PDE4D: variants seen among roughly 807,000 people sequenced by gnomAD.
PDE4D encodes 3',5'-cyclic-AMP phosphodiesterase 4D.
In PDE4D, 24 loss-of-function variants were observed where a neutral mutation model predicts 87.4. The ratio of observed to expected loss-of-function variants is 0.27; its 90% CI spans 0.20 to 0.39. PDE4D has a LOEUF of 0.39. PDE4D is among the 10% of genes least tolerant of loss of function. The pLI is 1.00. For synonymous variants in PDE4D, 384 were observed against 383.2 expected, an observed-to-expected ratio of 1.00 and a Z score of -0.02; for missense variants, 714 against 1,041.0, an observed-to-expected ratio of 0.69 and a Z score of 4.32.
At chr5:59,202,932 T>A (rs2216699) in intron 2 of PDE4D, among the ~76,000 whole-genome samples, 1 of 152,106 alleles carries the variant, frequency 6.6e-6, no homozygotes, top group African/African-American at 2.4e-5. Flanking sequence ...TATTTAGTTT[T>A]CTGAAATTTA....
chr5:59,040,721 A>G (rs1404518845), intron 5 of PDE4D, among the ~76,000 whole-genome samples: 1 of 152,338 alleles, frequency 6.6e-6, no homozygotes, highest in Non-Finnish European at 1.5e-5. Flanking sequence ...AAACTTTGTC[A>G]TTGTCGAGTG....
At chr5:59,988,245 C>T in intron 3 of PDE4D, 1 of 393,018 alleles carries the variant, frequency 2.5e-6, no homozygotes. Flanking sequence ...TGCCCTTTGG[C>T]AAATGTTTAT....
chr5:59,004,407 G>A (rs1273168620), intron 6 of PDE4D, among the ~76,000 whole-genome samples: 1 of 152,210 alleles, frequency 6.6e-6, no homozygotes, highest in African/African-American at 2.4e-5. Context: ...TCTTAGAACA[G>A]TAAGTGCTAT....
At chr5:59,810,148 C>T (rs1768183365) in intron 1 of PDE4D, among the ~76,000 whole-genome samples, 1 of 152,180 alleles carries the variant, frequency 6.6e-6, no homozygotes, top group African/African-American at 2.4e-5. Context: ...CAGCAGATGG[C>T]GCACACTTCT....
chr5:60,139,047 T>C (rs1780297749), intron 2 of PDE4D, among the ~76,000 whole-genome samples: 1 of 152,066 alleles, frequency 6.6e-6, no homozygotes, highest in Non-Finnish European at 1.5e-5. Context: ...CTCACTCCAG[T>C]ACTCACAGTG....
At chr5:58,999,498 G>GC in intron 6 of PDE4D, 1 of 1,525,342 alleles carries the variant, frequency 6.6e-7, no homozygotes, top group Non-Finnish European at 8.9e-7. Context: ...CCTTTATGTA[G>GC]CCCCAAGACA....
chr5:59,285,219 A>G (rs1766687173), intron 1 of PDE4D, among the ~76,000 whole-genome samples: 1 of 150,674 alleles, frequency 6.6e-6, no homozygotes, highest in Non-Finnish European at 1.5e-5. Context: ...TAATAAAAAA[A>G]AAAAAAAAGA....
At chr5:59,748,431 GAA>G (rs1759939119) in intron 1 of PDE4D, among the ~76,000 whole-genome samples, 1 of 152,276 alleles carries the variant, frequency 6.6e-6, no homozygotes, top group African/African-American at 2.4e-5. Flanking sequence ...ACTGGATTAA[GAA>G]AATGTGGCAC....
intron 1 of PDE4D, among the ~76,000 whole-genome samples, chr5:59,790,326 G>T (rs1307867164): frequency 6.6e-6 from 1 of 152,276 alleles, no homozygotes; most frequent in African/African-American, 2.4e-5. Context: ...CCAGAATCAA[G>T]ATTTAAGTGG....
At chr5:59,908,641 C>T (rs888027967) in intron 3 of PDE4D, among the ~76,000 whole-genome samples, 4 of 152,098 alleles carry the variant, frequency 2.6e-5, no homozygotes, top group African/African-American at 9.7e-5. Context: ...GACTATAATT[C>T]CCATAGCTAT....
chr5:60,081,949 C>T (rs1478094714), intron 2 of PDE4D, among the ~76,000 whole-genome samples: 1 of 152,132 alleles, frequency 6.6e-6, no homozygotes, highest in East Asian at 1.9e-4. Context: ...TCATCAGGAT[C>T]ATAGGCACTA....
At chr5:59,065,493 G>A (rs1316714512) in intron 5 of PDE4D, among the ~76,000 whole-genome samples, 1 of 152,068 alleles carries the variant, frequency 6.6e-6, no homozygotes, top group Non-Finnish European at 1.5e-5. Flanking sequence ...TCCTTACCAT[G>A]AAAGGAAAAC....
At chr5:59,494,831 C>G (rs572986647) in intron 1 of PDE4D, among the ~76,000 whole-genome samples, 3 of 152,122 alleles carry the variant, frequency 2.0e-5, no homozygotes, top group Non-Finnish European at 4.4e-5. Context: ...GTGATTGGTG[C>G]GGACTACAAG....
At chr5:59,895,118 C>A (rs964678184), upstream of PDE4D, among the ~76,000 whole-genome samples, 2 of 152,176 alleles carry the variant, frequency 1.3e-5, no homozygotes, top group Non-Finnish European at 2.9e-5. Flanking sequence ...TCAAGCATAT[C>A]ATGTAATGGA....
Position 59,853,846 on chromosome 5 carries a change from C to G in PDE4D, c.455+39322G>C, listed in dbSNP as rs149188588. 5.9e-3 allele frequency among the ~76,000 whole-genome samples: 896 copies of G among 151,914 alleles called. 4 individuals are homozygous for G. Among genetic ancestry groups the G allele is most frequent in the Non-Finnish European group, 0.01 (685 of 67,886 alleles). On this transcript the variant is annotated intron_variant, in intron 1 of 14. Coordinates refer to ENST00000340635, the MANE Select transcript of PDE4D (RefSeq NM_001104631.2). Reference sequence around the variant, plus strand: ...AGTTTATCTTGCTCTTTTTTGGTTTCAATTAAAAAATTCAATAAAAATATT... The same window carrying G: ...AGTTTATCTTGCTCTTTTTTGGTTTGAATTAAAAAATTCAATAAAAATATT...
chr5:60,104,241 C>T (rs1463764148), intron 2 of PDE4D, among the ~76,000 whole-genome samples: 1 of 152,230 alleles, frequency 6.6e-6, no homozygotes, highest in Non-Finnish European at 1.5e-5. Context: ...CCTACGCCCA[C>T]AGAGTCTCGC....
chr5:60,157,197 C>G (rs190471494), intron 2 of PDE4D, among the ~76,000 whole-genome samples: 1 of 152,198 alleles, frequency 6.6e-6, no homozygotes, highest in East Asian at 1.9e-4. Flanking sequence ...GATGAAAATA[C>G]TAATTGCTTT....
At chr5:59,534,358 C>G (rs926208494) in intron 1 of PDE4D, among the ~76,000 whole-genome samples, 2 of 152,120 alleles carry the variant, frequency 1.3e-5, no homozygotes, top group Non-Finnish European at 2.9e-5. Flanking sequence ...ATTGTATGGT[C>G]TATAGTTTTA....
At chr5:59,582,894 A>C (rs1427491251) in intron 1 of PDE4D, among the ~76,000 whole-genome samples, 1 of 152,148 alleles carries the variant, frequency 6.6e-6, no homozygotes, top group African/African-American at 2.4e-5. Flanking sequence ...TAAGCACCAA[A>C]TAAGCAAATC....
Sources: allele counts gnomAD v4.1 joint callset (sites outside exome capture counted in the v4.1 genomes callset), GRCh38; gene constraint gnomAD v4.1.1; transcripts MANE v1.5; gene names NCBI Gene and HGNC (gene_info 2026-07-23, HGNC 2026-07-21).